The following ITGBL1 variants were observed in gnomAD, a reference collection of about 807,000 sequenced individuals.
ITGBL1 encodes the protein integrin beta-like protein 1.
A neutral mutation model predicts 68.5 loss-of-function variants in ITGBL1; 51 were observed. That is an observed-to-expected ratio of 0.74 (90% CI 0.59 to 0.94). ITGBL1 has a LOEUF of 0.94. Ranked by LOEUF, ITGBL1 falls within the 40% of genes least tolerant of loss-of-function variation. The probability of loss-of-function intolerance (pLI) is 0.00; values close to 1 mark genes in which losing one functional copy is unlikely to be tolerated. For synonymous variants in ITGBL1, 209 were observed against 227.3 expected (o/e 0.92, Z 0.72); for missense variants, 649 against 647.4 (o/e 1.00, Z -0.03).
At chr13:101,597,678 A>G (rs1377403973) in intron 6 of ITGBL1, among the ~76,000 whole-genome samples, 1 of 151,604 alleles carries the variant, frequency 6.6e-6, no homozygotes, top group Admixed American at 6.6e-5. Context: ...TCAGCCCCCT[A>G]AGTAGCTGGG....
chr13:101,698,034 G>A (rs2034043079), intron 8 of ITGBL1, among the ~76,000 whole-genome samples: 1 of 152,114 alleles, frequency 6.6e-6, no homozygotes, highest in Admixed American at 6.5e-5. Flanking sequence ...TTACTAATAT[G>A]AGAATGTGAA....
chr13:101,596,169 G>T (rs1009992716), intron 6 of ITGBL1, among the ~76,000 whole-genome samples: 2 of 152,170 alleles, frequency 1.3e-5, no homozygotes, highest in Admixed American at 1.3e-4. Context: ...ATTCTGCTAA[G>T]TAAAATAAGC....
rs568102182 is a variant in ITGBL1, at chr13:101,611,220, G to A, written c.1015+12921G>A. Among the ~76,000 whole-genome samples the A allele has an allele frequency of 7.9e-5, 12 of 152,240 alleles. No individual in the cohort carries two copies. In the South Asian group the frequency reaches 1.9e-3, roughly 24 times the overall value. Reference sequence around the variant, plus strand: ...TGAGGTTAATTGTTAGTAAAATGATGTCATAGAAATGCCAAGTTAACGTTG... The same window carrying A: ...TGAGGTTAATTGTTAGTAAAATGATATCATAGAAATGCCAAGTTAACGTTG... On this transcript the variant is annotated intron_variant, in intron 7 of 10. Coordinates refer to ENST00000376180, the MANE Select transcript of ITGBL1 (RefSeq NM_004791.3).
chr13:101,471,235 A>G (rs1248997945), intron 2 of ITGBL1, among the ~76,000 whole-genome samples: 1 of 152,096 alleles, frequency 6.6e-6, no homozygotes, highest in Non-Finnish European at 1.5e-5. Flanking sequence ...AAGTTAGTTG[A>G]TTTGCTTGTG....
intron 2 of ITGBL1, among the ~76,000 whole-genome samples, chr13:101,539,148 C>T (rs1433111420): frequency 1.3e-5 from 2 of 148,392 alleles, no homozygotes; most frequent in Admixed American, 6.8e-5. Context: ...GTGTGCTGCA[C>T]CCATTAACTC....
chr13:101,636,522 T>C (rs1293554185), intron 7 of ITGBL1, among the ~76,000 whole-genome samples: 1 of 152,180 alleles, frequency 6.6e-6, no homozygotes, highest in Non-Finnish European at 1.5e-5. Context: ...GGCTTGTTAA[T>C]ATGTTACTTA....
chr13:101,587,723 AT>A (rs1197060613), intron 6 of ITGBL1, among the ~76,000 whole-genome samples: 1 of 152,216 alleles, frequency 6.6e-6, no homozygotes, highest in East Asian at 1.9e-4. Context: ...ATAGAACCAT[AT>A]TATGTGGTGA....
At chr13:101,512,896 CAGTGGTTTGGTGT>C (rs1234434978) in intron 2 of ITGBL1, among the ~76,000 whole-genome samples, 1 of 152,086 alleles carries the variant, frequency 6.6e-6, no homozygotes, top group Non-Finnish European at 1.5e-5. Flanking sequence ...CAGGACATAG[CAGTGGTTTGGTGT>C]CCTGCCCATT....
chr13:101,671,426 G>GTTTTTTTGTTT (rs2033358078), intron 7 of ITGBL1, among the ~76,000 whole-genome samples: 4 of 112,640 alleles, frequency 3.6e-5, no homozygotes, highest in South Asian at 7.1e-4. Context: ...GTATACCTTT[G>GTTTTTTTGTTT]TTTTTTTTTT....
At chr13:101,670,037 G>A (rs1372952896) in intron 7 of ITGBL1, among the ~76,000 whole-genome samples, 3 of 152,076 alleles carry the variant, frequency 2.0e-5, no homozygotes, top group Non-Finnish European at 4.4e-5. Flanking sequence ...TGCCACTGTG[G>A]TCTGATGCTG....
At position 101,553,453 on chromosome 13, in the gene ITGBL1, A is replaced by G. The variant is rs140889158; in HGVS notation, c.317-14246A>G. On this transcript the variant is annotated intron_variant, in intron 2 of 10. Transcript: ENST00000376180. ...TTGAAACTGCAAACTCAGAAACGCA[A>G]AATGATATACCTTCATTTTCCTACA... Among the ~76,000 whole-genome samples, 40 of 152,324 alleles carry G rather than the reference A, an allele frequency of 2.6e-4. No homozygotes were observed. The East Asian group carries it at 7.1e-3, about 27-fold the overall frequency.
intron 2 of ITGBL1, among the ~76,000 whole-genome samples, chr13:101,474,183 G>C (rs1031257053): frequency 2.0e-5 from 3 of 152,108 alleles, no homozygotes; most frequent in Non-Finnish European, 2.9e-5. Flanking sequence ...CTCCTGGATG[G>C]CATTTCTGGA....
intron 2 of ITGBL1, among the ~76,000 whole-genome samples, chr13:101,486,342 G>A (rs906571666): frequency 4.6e-5 from 7 of 152,206 alleles, no homozygotes; most frequent in African/African-American, 1.7e-4. Flanking sequence ...TTGGGAGAGG[G>A]AAGGGTGTGA....
intron 7 of ITGBL1, among the ~76,000 whole-genome samples, chr13:101,604,979 CGTACATGTGTATATGTATATAT>C (rs2030652537): frequency 9.9e-6 from 1 of 100,838 alleles, no homozygotes; most frequent in East Asian, 2.8e-4. Context: ...TACATATATG[CGTACATGTGTATATGTATATAT>C]ACATATATGC....
At chr13:101,596,008 T>A (rs1377084542) in intron 6 of ITGBL1, among the ~76,000 whole-genome samples, 1 of 151,900 alleles carries the variant, frequency 6.6e-6, no homozygotes, top group East Asian at 1.9e-4. Flanking sequence ...CATGATGTTT[T>A]GATATGCATA....
chr13:101,477,771 C>G (rs955062941), intron 2 of ITGBL1, among the ~76,000 whole-genome samples: 10 of 151,816 alleles, frequency 6.6e-5, no homozygotes, highest in African/African-American at 2.4e-4. Flanking sequence ...AAGATTGAAC[C>G]AAGAAGAAAT....
At chr13:101,682,822 A>C (rs1039797224) in intron 7 of ITGBL1, among the ~76,000 whole-genome samples, 4 of 151,988 alleles carry the variant, frequency 2.6e-5, no homozygotes, top group African/African-American at 9.7e-5. Flanking sequence ...TTTATGGTCA[A>C]ATTTATTAAT....
intron 7 of ITGBL1, among the ~76,000 whole-genome samples, chr13:101,680,524 G>A (rs975179655): frequency 4.0e-5 from 6 of 150,684 alleles, no homozygotes; most frequent in African/African-American, 9.7e-5. Context: ...ATTCTGGGTC[G>A]GGAATACACT....
At chr13:101,638,990 A>G (rs1415273609) in intron 7 of ITGBL1, among the ~76,000 whole-genome samples, 2 of 152,196 alleles carry the variant, frequency 1.3e-5, no homozygotes, top group African/African-American at 4.8e-5. Flanking sequence ...AACAACTAAC[A>G]AACTAAGAAA....
Sources: allele counts gnomAD v4.1 joint callset (sites outside exome capture counted in the v4.1 genomes callset), GRCh38; gene constraint gnomAD v4.1.1; transcripts MANE v1.5; gene names NCBI Gene and HGNC (gene_info 2026-07-23, HGNC 2026-07-21).